The following PACS1 variants were observed in gnomAD, a reference collection of about 807,000 sequenced individuals.
The protein encoded by PACS1 is PACS-1.
Under a neutral mutation model 115.0 loss-of-function variants are expected in PACS1, and 24 were observed. The ratio of observed to expected loss-of-function variants is 0.21; its 90% CI spans 0.15 to 0.29. PACS1 has a LOEUF of 0.29. Among genes scored for constraint, PACS1 ranks in the 10% least tolerant of loss-of-function variants. The pLI is 1.00. For synonymous variants in PACS1, 453 were observed against 504.5 expected, an observed-to-expected ratio of 0.90 and a Z score of 1.37; for missense variants, 838 against 1,251.2, an observed-to-expected ratio of 0.67 and a Z score of 4.98.
intron 1 of PACS1, among the ~76,000 whole-genome samples, chr11:66,153,520 G>A (rs1292118257): frequency 6.6e-6 from 1 of 152,054 alleles, no homozygotes; most frequent in Non-Finnish European, 1.5e-5. Context: ...GGTGGCTCAC[G>A]CCTGTAATCC....
intron 2 of PACS1, among the ~76,000 whole-genome samples, chr11:66,204,497 A>T (rs556030512): frequency 5.6e-4 from 85 of 152,238 alleles, no homozygotes; most frequent in African/African-American, 2.0e-3. Flanking sequence ...TCCTCAAAAA[A>T]CCAAAATAGT....
At chr11:66,207,699 T>C (rs1854974609) in intron 2 of PACS1, among the ~76,000 whole-genome samples, 1 of 151,998 alleles carries the variant, frequency 6.6e-6, no homozygotes, top group African/African-American at 2.4e-5. Flanking sequence ...ATTTTATTTT[T>C]GCTGTTTTTT....
At chr11:66,172,154 CT>C (rs1859755170) in intron 1 of PACS1, among the ~76,000 whole-genome samples, 1 of 152,132 alleles carries the variant, frequency 6.6e-6, no homozygotes, top group African/African-American at 2.4e-5. Context: ...TTACAGTTTT[CT>C]TTGTCCATCA....
chr11:66,220,744 G>A lies in PACS1; in HGVS notation c.1152G>A (p.Glu384=), dbSNP rs770466488. 3.7e-6 allele frequency: 6 copies of A among 1,614,140 alleles called. No homozygotes were observed. The South Asian group carries it at 6.6e-5, about 18-fold the overall frequency. Residue 384 remains glutamate, a synonymous_variant, in exon 9 of 24, where the codon GAG becomes GAA. Transcript: ENST00000320580. ...ACAACCCCAGCGACAGTGGCCCTGA[G>A]ATGGAGGAGACAGAAAGCATCCTCA... ...EMYNPSDSGP[E]MEETESILST...
chr11:66,209,252 G>T (rs1333257396), intron 2 of PACS1, among the ~76,000 whole-genome samples: 2 of 151,938 alleles, frequency 1.3e-5, no homozygotes, highest in East Asian at 1.9e-4. Flanking sequence ...AAGGCCCAGA[G>T]ACAAGACAGT....
At chr11:66,142,947 C>G (rs1173796011) in intron 1 of PACS1, among the ~76,000 whole-genome samples, 1 of 151,574 alleles carries the variant, frequency 6.6e-6, no homozygotes, top group Non-Finnish European at 1.5e-5. Flanking sequence ...CATGCCATTA[C>G]TGGTCAAACA....
intron 1 of PACS1, among the ~76,000 whole-genome samples, chr11:66,103,198 G>T (rs1054534315): frequency 6.6e-6 from 1 of 152,152 alleles, no homozygotes; most frequent in African/African-American, 2.4e-5. Context: ...ATTTTGATTA[G>T]GGGAAGTGAG....
chr11:66,119,060 G>T (rs969306477), intron 1 of PACS1, among the ~76,000 whole-genome samples: 4 of 152,138 alleles, frequency 2.6e-5, no homozygotes, highest in African/African-American at 9.7e-5. Context: ...GCCCAAGAAG[G>T]CTTCCTGAAC....
intron 1 of PACS1, among the ~76,000 whole-genome samples, chr11:66,165,648 A>C (rs1590790719): frequency 6.6e-6 from 1 of 151,566 alleles, no homozygotes; most frequent in Admixed American, 6.6e-5. Context: ...CCATCCATCC[A>C]CCCTGTTGCT....
At chr11:66,173,851 G>A (rs147915800) in intron 1 of PACS1, among the ~76,000 whole-genome samples, 2,405 of 152,130 alleles carry the variant, frequency 0.016, 42 homozygotes, top group African/African-American at 0.046. Context: ...TCAGGAGTTC[G>A]AGACCAACTT....
chr11:66,120,203 A>G (rs1426464758), intron 1 of PACS1, among the ~76,000 whole-genome samples: 1 of 140,476 alleles, frequency 7.1e-6, no homozygotes, highest in Non-Finnish European at 1.5e-5. Flanking sequence ...GCTGGAGTGC[A>G]GTGGCACGAT....
chr11:66,150,791 T>C (rs1362641435), intron 1 of PACS1, among the ~76,000 whole-genome samples: 1 of 152,168 alleles, frequency 6.6e-6, no homozygotes. Flanking sequence ...GGGTAAAATA[T>C]AAGAAACAAC....
In PACS1 at chr11:66,235,783, G is replaced by T. The variant is rs1457738989; in HGVS notation, c.2208-115G>T. The T allele has an allele frequency of 1.1e-5, 10 of 891,964 alleles. No individual in the cohort carries two copies. The highest frequency in any genetic ancestry group is 6.8e-5 in the Admixed American group (4 of 58,764). 55.3% of individuals were successfully genotyped at this position (891,964 alleles called of 1,614,324 possible). On this transcript the variant is annotated intron_variant, in intron 18 of 23. Coordinates refer to ENST00000320580, the MANE Select transcript of PACS1 (RefSeq NM_018026.4). This position sits in a 1 kb window ranked among gnomAD's most constrained non-coding sequence, Gnocchi z 5.6. ...CCACCCCAGGATGTGATGGGCAGAG[G>T]CAGCCCAGCATCCTGGACTCTGCTG...
chr11:66,127,686 G>A (rs1425492506), intron 1 of PACS1, among the ~76,000 whole-genome samples: 1 of 152,182 alleles, frequency 6.6e-6, no homozygotes, highest in African/African-American at 2.4e-5. Context: ...CTCTTTGTAG[G>A]AACACTGTAG....
At chr11:66,213,759 C>T (rs1036471743) in intron 4 of PACS1, among the ~76,000 whole-genome samples, 3 of 152,140 alleles carry the variant, frequency 2.0e-5, no homozygotes, top group Admixed American at 6.5e-5. Flanking sequence ...GTGGGCTGGG[C>T]GCAGTGGCTT....
In PACS1 at chr11:66,235,013, C is replaced by CGG. The variant is rs1855677788; in HGVS notation, c.2105-288_2105-287insGG. On this transcript the variant is annotated intron_variant, in intron 17 of 23. Coordinates refer to ENST00000320580, the MANE Select transcript of PACS1 (RefSeq NM_018026.4). This position sits in a 1 kb window ranked among gnomAD's most constrained non-coding sequence, Gnocchi z 5.6. ...AAAAGTCTGTGGGGTGAGGCTCCTCCAGGCCACCGGATGGGTATGTGCAAG... is the reference window on the plus strand; with the variant it reads ...AAAAGTCTGTGGGGTGAGGCTCCTCCGGAGGCCACCGGATGGGTATGTGCAAG... Among the ~76,000 whole-genome samples, 1 of 152,156 alleles carries CGG rather than the reference C, an allele frequency of 6.6e-6. No individual in the cohort carries two copies. Among genetic ancestry groups the CGG allele is most frequent in the Non-Finnish European group, 1.5e-5 (1 of 68,034 alleles).
chr11:66,156,143 A>G (rs1186181630), intron 1 of PACS1, among the ~76,000 whole-genome samples: 2 of 145,232 alleles, frequency 1.4e-5, no homozygotes, highest in African/African-American at 5.1e-5. Context: ...GGTATATTGT[A>G]TGTAAATTTT....
intron 10 of PACS1, among the ~76,000 whole-genome samples, chr11:66,226,214 A>G (rs1483654955): frequency 1.3e-5 from 2 of 152,118 alleles, no homozygotes; most frequent in Non-Finnish European, 2.9e-5. Flanking sequence ...TCATATAGAG[A>G]AGGTGTAAAT....
At chr11:66,127,310 C>T (rs1210027279) in intron 1 of PACS1, among the ~76,000 whole-genome samples, 1 of 152,216 alleles carries the variant, frequency 6.6e-6, no homozygotes, top group Non-Finnish European at 1.5e-5. Flanking sequence ...CTTAGTGCAA[C>T]CTTCCCCTGC....
Sources: gnomAD v4.1 joint callset for allele counts (sites outside exome capture counted in the v4.1 genomes callset) on GRCh38, gnomAD v4.1.1 for gene constraint, Gnocchi (gnomAD v3.1) non-coding constraint, MANE v1.5 for transcripts, NCBI Gene and HGNC (gene_info 2026-07-23, HGNC 2026-07-21) for gene names.